The following CKAP2L variants were observed in gnomAD, a reference collection of about 807,000 sequenced individuals.
The protein encoded by CKAP2L is cytoskeleton associated protein 2L.
CKAP2L carries 42 observed loss-of-function variants against 65.7 expected under a neutral mutation model. The observed-to-expected ratio is 0.64, with a 90% CI of 0.50 to 0.83. The LOEUF is 0.83. Ranked by LOEUF, CKAP2L falls within the 40% of genes least tolerant of loss-of-function variation. The pLI is 0.00. For synonymous variants in CKAP2L, 325 were observed against 313.5 expected (o/e 1.04, Z -0.39); for missense variants, 908 against 871.0 (o/e 1.04, Z -0.53).
At chr2:112,743,242 A>G (rs555399716) in intron 6 of CKAP2L, among the ~76,000 whole-genome samples, 3 of 152,194 alleles carry the variant, frequency 2.0e-5, no homozygotes, top group East Asian at 1.9e-4. Context: ...TCCTGGGTTC[A>G]TGCCATTCTC....
In CKAP2L at chr2:112,736,781, A is replaced by G. The variant is rs1267248832; in HGVS notation, c.*2042T>C. On this transcript the variant is annotated 3_prime_UTR_variant, in exon 9 of 9. Coordinates refer to ENST00000302450, the MANE Select transcript of CKAP2L (RefSeq NM_152515.5). Reference sequence around the variant, plus strand: ...AAATGGCAAGAACTCCCTCTTTTCCAAGGATGAATACTATTCCACGGCATG... The same window carrying G: ...AAATGGCAAGAACTCCCTCTTTTCCGAGGATGAATACTATTCCACGGCATG... 6.6e-6 allele frequency: 1 copy of G among 152,180 alleles called. No homozygotes were observed. Among genetic ancestry groups the G allele is most frequent in the Non-Finnish European group, 1.5e-5 (1 of 68,042 alleles). 9.4% of individuals were successfully genotyped at this position (152,180 alleles called of 1,614,324 possible). A position where few individuals can be genotyped will look rare whatever the true frequency, so the allele number is the denominator to read the frequency against.
chr2:112,740,716 C>T, intron 8 of CKAP2L, 102 bp downstream of exon 8: 3 of 908,184 alleles, frequency 3.3e-6, no homozygotes, highest in Non-Finnish European at 5.2e-6. Context: ...ACCTTCCTCA[C>T]TGCAGGTCAG....
At chr2:112,763,807 G>C (rs1002115604) in intron 1 of CKAP2L, 1 of 152,268 alleles carries the variant, frequency 6.6e-6, no homozygotes. Flanking sequence ...CTGACATAGG[G>C]GGTTGGAGTC....
chr2:112,739,694 G>A (rs2104845271), intron 8 of CKAP2L, among the ~76,000 whole-genome samples: 1 of 152,276 alleles, frequency 6.6e-6, no homozygotes, highest in Non-Finnish European at 1.5e-5. Context: ...TCACTCTGTT[G>A]CCCAGGCTAG....
intron 5 of CKAP2L, among the ~76,000 whole-genome samples, chr2:112,748,022 T>G (rs912480687): frequency 6.6e-6 from 1 of 152,068 alleles, no homozygotes; most frequent in Non-Finnish European, 1.5e-5. Context: ...AATAAAACAA[T>G]GAAGTGAACA....
chr2:112,746,192 T>C (rs1490107382), intron 6 of CKAP2L, among the ~76,000 whole-genome samples: 3 of 152,216 alleles, frequency 2.0e-5, no homozygotes, highest in Non-Finnish European at 4.4e-5. Context: ...AGTTTTTTTT[T>C]CTAAATTTTA....
At chr2:112,762,161 A>T (rs2104893233) in intron 2 of CKAP2L, among the ~76,000 whole-genome samples, 2 of 152,358 alleles carry the variant, frequency 1.3e-5, no homozygotes, top group East Asian at 3.9e-4. Flanking sequence ...AACCATGGTC[A>T]TTCAAGTTCT....
chr2:112,755,551 C>A (rs1032852658), intron 4 of CKAP2L, among the ~76,000 whole-genome samples: 1 of 152,128 alleles, frequency 6.6e-6, no homozygotes, highest in African/African-American at 2.4e-5. Context: ...TGGTTCTTCC[C>A]TGGTAACTTT....
intron 2 of CKAP2L, 77 bp from the exon 3 acceptor site, chr2:112,760,841 AT>A: frequency 1.3e-6 from 1 of 741,014 alleles, no homozygotes; most frequent in Non-Finnish European, 2.3e-6. Context: ...GTGATTAAAA[AT>A]TATGAATAGA....
intron 4 of CKAP2L, among the ~76,000 whole-genome samples, chr2:112,753,670 G>A (rs1014220528): frequency 1.3e-5 from 2 of 151,730 alleles, no homozygotes; most frequent in African/African-American, 4.8e-5. Flanking sequence ...TGCAATTACA[G>A]GCGCGTGCCA....
chr2:112,740,913 T>C lies in CKAP2L; in HGVS notation c.1917A>G (p.Pro639=). ...KMESVKSCLS[P]KEREQVTATP... ...TCGCCGTGACTTGTTCCCTCTCTTT[T>C]GGAGAAAGACAAGACTTCACAGATT... Residue 639 remains proline (P), a synonymous_variant, in exon 8 of 9, where the codon CCA becomes CCG. Transcript: ENST00000302450. 3.1e-6 allele frequency: 5 copies of C among 1,614,094 alleles called. No homozygotes were observed. The highest frequency in any genetic ancestry group is 4.2e-6 in the Non-Finnish European group (5 of 1,179,944).
intron 8 of CKAP2L, among the ~76,000 whole-genome samples, chr2:112,739,347 G>GT (rs1679683375): frequency 6.6e-6 from 1 of 152,140 alleles, no homozygotes; most frequent in Non-Finnish European, 1.5e-5. Context: ...CTTGAGCCCA[G>GT]AAGGTCAAGG....
intron 5 of CKAP2L, among the ~76,000 whole-genome samples, chr2:112,748,765 G>A (rs2104871873): frequency 6.6e-6 from 1 of 152,146 alleles, no homozygotes; most frequent in Admixed American, 6.5e-5. Context: ...GGAGGCTGAG[G>A]TGGAGGATCA....
intron 6 of CKAP2L, among the ~76,000 whole-genome samples, chr2:112,745,154 T>C (rs1044798391): frequency 6.6e-6 from 1 of 151,988 alleles, no homozygotes; most frequent in African/African-American, 2.4e-5. Flanking sequence ...GCCAGAAGGG[T>C]CTAGGAGAAA....
intron 2 of CKAP2L, among the ~76,000 whole-genome samples, chr2:112,762,268 T>G (rs1406191374): frequency 6.6e-6 from 1 of 152,222 alleles, no homozygotes; most frequent in Non-Finnish European, 1.5e-5. Context: ...TGACCCTTCT[T>G]CCCTCCTTCC....
chr2:112,756,823 G>A lies in CKAP2L; in HGVS notation c.548C>T (p.Thr183Ile). Residue 183 changes from threonine to isoleucine, a missense_variant, in exon 4 of 9, where the codon ACA becomes ATA. Thr to Ile is a moderately conservative substitution (Grantham distance 89). Coordinates refer to ENST00000302450, the MANE Select transcript of CKAP2L (RefSeq NM_152515.5). ...NESLDNFLKE[T>I]NKENLLDILT... is the part of the protein sequence containing the mutation. ...GATATCGAGCAAGTTCTCTTTGTTT[G>A]TTTCTTTTAGAAAGTTATCCAAAGA... 6.2e-7 allele frequency: 1 copy of A among 1,601,378 alleles called. No individual in the cohort carries two copies. Among genetic ancestry groups the A allele is most frequent in the Non-Finnish European group, 8.5e-7 (1 of 1,176,412 alleles).
chr2:112,743,451 A>G (rs1226990300), intron 6 of CKAP2L, among the ~76,000 whole-genome samples: 3 of 151,110 alleles, frequency 2.0e-5, no homozygotes, highest in African/African-American at 7.3e-5. Flanking sequence ...CCCAAACACA[A>G]TGTTTTTTGA....
chr2:112,748,239 A>T (rs1187705233), intron 5 of CKAP2L, among the ~76,000 whole-genome samples: 1 of 152,208 alleles, frequency 6.6e-6, no homozygotes, highest in Non-Finnish European at 1.5e-5. Flanking sequence ...AAAAAATATA[A>T]TAGAAAACCA....
intron 4 of CKAP2L, 103 bp downstream of exon 4, chr2:112,755,874 C>T: frequency 1.8e-6 from 2 of 1,118,746 alleles, no homozygotes; most frequent in Non-Finnish European, 2.5e-6. Context: ...TTAAAAATTA[C>T]TTAGGAGCCA....
Sources: gnomAD v4.1 joint callset for allele counts (sites outside exome capture counted in the v4.1 genomes callset) on GRCh38, gnomAD v4.1.1 for gene constraint, MANE v1.5 for transcripts, NCBI Gene and HGNC (gene_info 2026-07-23, HGNC 2026-07-21) for gene names.